SPOCK3: variants seen among roughly 807,000 people sequenced by gnomAD.
SPOCK3 encodes testican-3.
SPOCK3 carries 30 observed loss-of-function variants against 56.6 expected under a neutral mutation model. That is an observed-to-expected ratio of 0.53 (90% CI 0.40 to 0.72). The LOEUF (loss-of-function observed/expected upper bound fraction) is 0.72. Ranked by LOEUF, SPOCK3 falls within the 30% of genes least tolerant of loss-of-function variation. The pLI is 0.00. For synonymous variants in SPOCK3, 196 were observed against 183.3 expected (o/e 1.07, Z -0.56); for missense variants, 527 against 530.0 (o/e 0.99, Z 0.06).
At chr4:166,952,087 A>G (rs1299323855) in intron 4 of SPOCK3, among the ~76,000 whole-genome samples, 1 of 152,184 alleles carries the variant, frequency 6.6e-6, no homozygotes, top group Non-Finnish European at 1.5e-5. Context: ...GGCCAGGGCA[A>G]TTAGGCAGGA....
Position 166,734,818 on chromosome 4 carries a change from G to T in SPOCK3, c.*103C>A. The T allele has an allele frequency of 2.1e-6, 2 of 960,968 alleles. No individual in the cohort carries two copies. The highest frequency in any genetic ancestry group is 3.0e-6 in the Non-Finnish European group (2 of 660,902). 59.5% of individuals were successfully genotyped at this position (960,968 alleles called of 1,614,324 possible). On this transcript the variant is annotated 3_prime_UTR_variant, in exon 11 of 11. Transcript: ENST00000357545. ...AAATAATTATACAAAATATATGTGA[G>T]GTTTAGAATCATTTTGTTATTGGGG...
chr4:167,109,379 TAAAATATATAAATATATATTTATATATAA>T (rs1760641733), intron 2 of SPOCK3, among the ~76,000 whole-genome samples: 1 of 25,906 alleles, frequency 3.9e-5, no homozygotes, highest in African/African-American at 1.0e-4. Context: ...TATATTTATA[TAAAATATATAAATATATATTTATATATAA>T]ATATATATAT....
At chr4:166,885,428 AT>A (rs1734088995) in intron 6 of SPOCK3, among the ~76,000 whole-genome samples, 1 of 147,746 alleles carries the variant, frequency 6.8e-6, no homozygotes, top group Non-Finnish European at 1.5e-5. Flanking sequence ...GAACATAAAC[AT>A]TTTCATATGT....
chr4:166,850,092 T>A (rs1748520094), intron 6 of SPOCK3, among the ~76,000 whole-genome samples: 1 of 152,192 alleles, frequency 6.6e-6, no homozygotes, highest in Admixed American at 6.5e-5. Context: ...TTTGCAGGGG[T>A]ATATCCCAGA....
At chr4:167,108,990 ATT>A (rs1554037437) in intron 2 of SPOCK3, among the ~76,000 whole-genome samples, 3 of 23,716 alleles carry the variant, frequency 1.3e-4, no homozygotes, top group African/African-American at 2.3e-4. Flanking sequence ...ATAAATATAT[ATT>A]TATATATATA....
At chr4:166,993,456 C>A (rs888072924) in intron 4 of SPOCK3, among the ~76,000 whole-genome samples, 1 of 152,062 alleles carries the variant, frequency 6.6e-6, no homozygotes, top group African/African-American at 2.4e-5. Context: ...TTTTAAGTAC[C>A]CTAATAATCT....
chr4:167,186,487 C>T (rs1481649906), intron 2 of SPOCK3, among the ~76,000 whole-genome samples: 2 of 151,354 alleles, frequency 1.3e-5, no homozygotes, highest in African/African-American at 4.9e-5. Context: ...ATTAGCTGAG[C>T]GTGGTGGTGG....
intron 2 of SPOCK3, among the ~76,000 whole-genome samples, chr4:167,110,147 G>A (rs895829123): frequency 2.6e-5 from 4 of 152,024 alleles, no homozygotes; most frequent in Admixed American, 6.6e-5. Flanking sequence ...CTTTGACATC[G>A]TTTGTGATCT....
At chr4:167,036,506 CTTAG>C (rs1462247317) in intron 3 of SPOCK3, among the ~76,000 whole-genome samples, 1 of 152,118 alleles carries the variant, frequency 6.6e-6, no homozygotes, top group Non-Finnish European at 1.5e-5. Flanking sequence ...TTCTTGCTGA[CTTAG>C]TTATTTAGGA....
intron 3 of SPOCK3, among the ~76,000 whole-genome samples, chr4:167,032,700 T>C (rs911462360): frequency 1.3e-5 from 2 of 151,984 alleles, no homozygotes; most frequent in Non-Finnish European, 2.9e-5. Context: ...TAAGATATAA[T>C]TATGATTTTA....
At chr4:167,081,811 G>A (rs1307435946) in intron 2 of SPOCK3, among the ~76,000 whole-genome samples, 1 of 151,962 alleles carries the variant, frequency 6.6e-6, no homozygotes, top group Non-Finnish European at 1.5e-5. Flanking sequence ...GATACAGAAT[G>A]GATAAGGTAA....
intron 2 of SPOCK3, among the ~76,000 whole-genome samples, chr4:167,138,763 T>G (rs1763309388): frequency 6.6e-6 from 1 of 151,888 alleles, no homozygotes; most frequent in African/African-American, 2.4e-5. Context: ...AATGTCATTG[T>G]GTTTTCAAAA....
At chr4:167,008,355 A>G (rs1749668916) in intron 3 of SPOCK3, among the ~76,000 whole-genome samples, 1 of 152,092 alleles carries the variant, frequency 6.6e-6, no homozygotes, top group Admixed American at 6.6e-5. Context: ...ATATTAGGAC[A>G]TTTATAATTC....
At chr4:166,972,731 G>A (rs1745520566) in intron 4 of SPOCK3, among the ~76,000 whole-genome samples, 1 of 151,266 alleles carries the variant, frequency 6.6e-6, no homozygotes, top group Admixed American at 6.6e-5. Context: ...ACAACTGACT[G>A]GAGTCAGTTA....
intron 2 of SPOCK3, among the ~76,000 whole-genome samples, chr4:167,199,241 G>C (rs1733271485): frequency 6.6e-6 from 1 of 151,532 alleles, no homozygotes; most frequent in South Asian, 2.1e-4. Context: ...GTGTGTGTGT[G>C]TGTGTGTGTG....
intron 4 of SPOCK3, among the ~76,000 whole-genome samples, chr4:166,958,896 A>C (rs1283627183): frequency 3.9e-5 from 6 of 152,244 alleles, no homozygotes; most frequent in African/African-American, 1.4e-4. Flanking sequence ...TGACCAAGAC[A>C]GAAAGCCTTC....
chr4:166,792,798 C>G (rs1358890868), intron 6 of SPOCK3, among the ~76,000 whole-genome samples: 3 of 151,624 alleles, frequency 2.0e-5, no homozygotes, highest in Admixed American at 1.3e-4. Context: ...TTGTTAAGCA[C>G]AGAAAAGAAA....
chr4:166,856,459 T>C (rs2126890621), intron 6 of SPOCK3, among the ~76,000 whole-genome samples: 1 of 152,262 alleles, frequency 6.6e-6, no homozygotes, highest in Admixed American at 6.5e-5. Context: ...GTAATTGTTA[T>C]TTGTCATTTA....
intron 6 of SPOCK3, among the ~76,000 whole-genome samples, chr4:166,853,113 A>AAAAATCT (rs549474982): frequency 1.2e-4 from 18 of 152,332 alleles, no homozygotes; most frequent in Admixed American, 1.2e-3. Flanking sequence ...TCTCAAAGGA[A>AAAAATCT]AAAATCTAAA....
Sources: gnomAD v4.1 joint callset for allele counts (sites outside exome capture counted in the v4.1 genomes callset) on GRCh38, gnomAD v4.1.1 for gene constraint, MANE v1.5 for transcripts, NCBI Gene and HGNC (gene_info 2026-07-23, HGNC 2026-07-21) for gene names.